The following KLHL4 variants were observed in gnomAD, a reference collection of about 807,000 sequenced individuals.
The protein encoded by KLHL4 is kelch like family member 4.
Under a neutral mutation model 45.8 loss-of-function variants are expected in KLHL4, and 17 were observed. The ratio of observed to expected loss-of-function variants is 0.37; its 90% confidence interval spans 0.25 to 0.56. The LOEUF is 0.56. KLHL4 is among the 20% of genes least tolerant of loss of function. The pLI is 0.79. For synonymous variants in KLHL4, 224 were observed against 189.9 expected (o/e 1.18, Z -1.47); for missense variants, 544 against 544.9 (o/e 1.00, Z 0.02).
intron 1 of KLHL4, among the ~76,000 whole-genome samples, chrX:87,590,154 C>T (rs1277866991): frequency 9.1e-6 from 1 of 109,786 alleles, no homozygotes; most frequent in Non-Finnish European, 1.9e-5. Context: ...TTGTTTGTAA[C>T]TCAAAGGATA....
At chrX:87,593,742 G>T (rs1472933788) in intron 1 of KLHL4, among the ~76,000 whole-genome samples, 1 of 111,112 alleles carries the variant, frequency 9.0e-6, no homozygotes, top group East Asian at 2.8e-4. Flanking sequence ...GGAGCCACCA[G>T]AGAGGTCCAT....
chrX:87,650,188 C>A (rs146858193), intron 9 of KLHL4, among the ~76,000 whole-genome samples: 109 of 111,189 alleles, frequency 9.8e-4, no homozygotes, highest in African/African-American at 3.4e-3. Context: ...GCATGCTCCC[C>A]AAGTTCATGT....
intron 1 of KLHL4, among the ~76,000 whole-genome samples, chrX:87,557,924 G>A (rs1295188395): frequency 9.0e-6 from 1 of 110,723 alleles, no homozygotes; most frequent in African/African-American, 3.3e-5. Context: ...CCCTTCTATT[G>A]GTCATTAAGA....
intron 9 of KLHL4, among the ~76,000 whole-genome samples, chrX:87,653,484 G>C (rs1923887438): frequency 8.9e-6 from 1 of 111,807 alleles, no homozygotes; most frequent in African/African-American, 3.3e-5. Context: ...AACAATAGAT[G>C]CTGGTGAGGT....
chrX:87,634,265 A>G (rs1460067744), intron 8 of KLHL4, among the ~76,000 whole-genome samples: 1 of 111,455 alleles, frequency 9.0e-6, no homozygotes, highest in Non-Finnish European at 1.9e-5. Flanking sequence ...ATTTATTTTT[A>G]TCAAAACTTT....
chrX:87,524,983 C>T (rs188539768), intron 1 of KLHL4, among the ~76,000 whole-genome samples: 65 of 111,715 alleles, frequency 5.8e-4, no homozygotes, highest in Admixed American at 1.1e-3. Flanking sequence ...TGCTTGTTGG[C>T]AACTAGTTAA....
At chrX:87,665,871 C>T (rs1436991715) in intron 10 of KLHL4, among the ~76,000 whole-genome samples, 1 of 111,245 alleles carries the variant, frequency 9.0e-6, no homozygotes, top group Non-Finnish European at 1.9e-5. Flanking sequence ...TTCATTAAGA[C>T]TCAGAAACCC....
intron 1 of KLHL4, among the ~76,000 whole-genome samples, chrX:87,566,760 T>A (rs767910685): frequency 9.0e-6 from 1 of 111,472 alleles, no homozygotes; most frequent in South Asian, 3.8e-4. Context: ...GGATTTATTC[T>A]GGTAAAGTTG....
chrX:87,664,979 A>T (rs1924319362), intron 10 of KLHL4, 44 bp downstream of exon 10: 1 of 837,259 alleles, frequency 1.2e-6, no homozygotes, highest in East Asian at 3.4e-5. Flanking sequence ...TCAGGTTTTA[A>T]AAAGAAGATA....
chrX:87,518,167 C>A lies in KLHL4; in HGVS notation c.274C>A (p.Gln92Lys). 1.7e-6 allele frequency: 2 copies of A among 1,211,777 alleles called. No individual in the cohort carries two copies. Among genetic ancestry groups the A allele is most frequent in the Non-Finnish European group, 2.2e-6 (2 of 895,464 alleles). Residue 92 changes from glutamine to lysine, a missense_variant, in exon 1 of 11, where the codon CAG becomes AAG. Physicochemically the swap from Gln to Lys is moderately conservative, Grantham distance 53. Transcript: ENST00000373119. The stretch of plus-strand genomic sequence containing the variant: ...CCATCAGAGAGCCGTTCAGAATTTG[C>A]AGCAACATAATCTGATAGTACATTT... ...PAHQRAVQNL[Q>K]QHNLIVHFQA...
chrX:87,660,058 C>G (rs756063201), intron 9 of KLHL4, among the ~76,000 whole-genome samples: 27 of 110,843 alleles, frequency 2.4e-4, no homozygotes, highest in Non-Finnish European at 4.5e-4. Context: ...TAGAAAAACC[C>G]AAAGAATACA....
chrX:87,521,859 A>G (rs1931007911), intron 1 of KLHL4, among the ~76,000 whole-genome samples: 1 of 112,627 alleles, frequency 8.9e-6, no homozygotes, highest in Admixed American at 9.4e-5. Flanking sequence ...TTAGGATCAC[A>G]TGTGTGGTCC....
rs190965523 is a variant in KLHL4, at chrX:87,623,544, G to A, written c.1137+1121G>A. Among the ~76,000 whole-genome samples, 448 of 109,898 alleles carry A rather than the reference G, an allele frequency of 4.1e-3. 2 individuals are homozygous for A. The highest frequency in any genetic ancestry group is 0.014 in the African/African-American group (417 of 30,269). ...CCTGACCTTGTGATCCACCTGCCTC[G>A]GCCTCCCAAAGTGCTGGGATTACAG... On this transcript the variant is annotated intron_variant, in intron 5 of 10. Coordinates refer to ENST00000373119, the MANE Select transcript of KLHL4 (RefSeq NM_019117.5).
chrX:87,528,475 G>A (rs1931160636), intron 1 of KLHL4, among the ~76,000 whole-genome samples: 1 of 109,970 alleles, frequency 9.1e-6, no homozygotes, highest in Non-Finnish European at 1.9e-5. Context: ...CCAGCACTTT[G>A]GGAGGCCGAG....
At chrX:87,587,268 G>A (rs920812581) in intron 1 of KLHL4, among the ~76,000 whole-genome samples, 3 of 110,067 alleles carry the variant, frequency 2.7e-5, no homozygotes, top group Admixed American at 9.7e-5. Flanking sequence ...AATAGAGGAG[G>A]AGGTAACACT....
Position 87,666,521 on chromosome X carries a change from T to C in KLHL4, c.2144T>C (p.Val715Ala), listed in dbSNP as rs775076488. The stretch of plus-strand genomic sequence containing the variant: ...AGAGCTGGTGCATGTGTTGTAGTGG[T>C]GAAGCTACCCTAAAGCTATCTATCT... Reference protein sequence around the residue: ...IGRAGACVVVVKLP With the variant: ...IGRAGACVVVAKLP The change falls in exon 11 of 11, where the codon GTG becomes GCG. Residue 715 changes from valine (V) to alanine (A), a missense_variant. By Grantham distance (64) the Val-to-Ala change is moderately conservative. Transcript: ENST00000373119. The C allele has an allele frequency of 5.9e-6, 7 of 1,196,361 alleles. No individual in the cohort carries two copies. The Admixed American group carries it at 1.1e-4, about 19-fold the overall frequency.
At chrX:87,546,149 C>T (rs924060843) in intron 1 of KLHL4, among the ~76,000 whole-genome samples, 1 of 112,065 alleles carries the variant, frequency 8.9e-6, no homozygotes, top group Non-Finnish European at 1.9e-5. Flanking sequence ...AGGAGCCAAA[C>T]GTTAATCACC....
intron 1 of KLHL4, among the ~76,000 whole-genome samples, chrX:87,540,500 T>G (rs1931527335): frequency 9.0e-6 from 1 of 111,309 alleles, no homozygotes; most frequent in Admixed American, 9.6e-5. Flanking sequence ...TCAATATTCT[T>G]GTTAAAAATG....
chrX:87,650,111 T>A (rs1237093745), intron 9 of KLHL4, among the ~76,000 whole-genome samples: 2 of 111,148 alleles, frequency 1.8e-5, no homozygotes, highest in East Asian at 2.8e-4. Context: ...ATTGATATAT[T>A]TTTTTTAATG....
Sources: gnomAD v4.1 joint callset for allele counts (sites outside exome capture counted in the v4.1 genomes callset) on GRCh38, gnomAD v4.1.1 for gene constraint, MANE v1.5 for transcripts, NCBI Gene and HGNC (gene_info 2026-07-23, HGNC 2026-07-21) for gene names.